Variants in MDC1 observed in about 807,000 individuals in gnomAD.
MDC1 encodes the protein mediator of DNA damage checkpoint protein 1.
In MDC1, 81 loss-of-function variants were observed where a neutral mutation model predicts 142.5. The ratio of observed to expected loss-of-function variants is 0.57; its 90% CI spans 0.47 to 0.68. The LOEUF (loss-of-function observed/expected upper bound fraction) is 0.68. MDC1 is among the 30% of genes least tolerant of loss of function. The pLI, the probability that MDC1 is intolerant of heterozygous loss-of-function variation, is 0.00. For synonymous variants in MDC1, 797 were observed against 968.4 expected (o/e 0.82, Z 3.29); for missense variants, 2,119 against 2,547.9 (o/e 0.83, Z 3.62).
chr6:30,703,031 C>A lies in MDC1; in HGVS notation c.5865+73G>T. On this transcript the variant is annotated intron_variant, in intron 12 of 14. Coordinates refer to ENST00000376406, the MANE Select transcript of MDC1 (RefSeq NM_014641.3). The surrounding 1 kb of genome is among the most constrained non-coding windows in gnomAD (Gnocchi z 4.4). ...GTCTTCCTGTAACGCCTCTTCCCTT[C>A]CACCACTTTCTAGGGCACTATATGA... The A allele has an allele frequency of 6.3e-7, 1 of 1,579,356 alleles. No individual in the cohort carries two copies. Among genetic ancestry groups the A allele is most frequent in the Non-Finnish European group, 8.6e-7 (1 of 1,160,086 alleles).
At position 30,706,014 on chromosome 6, in the gene MDC1, T is replaced by C. The variant is rs767097531; in HGVS notation, c.3169A>G (p.Ser1057Gly). The C allele has an allele frequency of 6.2e-7, 1 of 1,608,714 alleles. No homozygotes were observed. The highest frequency in any genetic ancestry group is 2.2e-5 in the East Asian group (1 of 44,866). Residue 1057 changes from serine (S) to glycine (G), a missense_variant, in exon 10 of 15, where the codon AGC (serine) becomes GGC (glycine). Transcript: ENST00000376406. ...APPQKPLNSQ[S>G]QKHLAPPPLL... ...GGCGGAGGTGCAAGATGTTTCTGGC[T>C]CTGAGAGTTAAGGGGCTTTTGGGGT...
In MDC1 at chr6:30,707,365, T is replaced by C. The variant is rs764234084; in HGVS notation, c.3084+19A>G. ...TAGAGATGACTTGTGGAATAGGAGG[T>C]AGAAAAAGTAGCTCTCACCCTGGAA... On this transcript the variant is annotated intron_variant, in intron 9 of 14. Transcript: ENST00000376406. 2.5e-6 allele frequency: 4 copies of C among 1,611,294 alleles called. No homozygotes were observed. The highest frequency in any genetic ancestry group is 2.5e-6 in the Non-Finnish European group (3 of 1,178,656).
rs1220514760 is a variant in MDC1, at chr6:30,716,771, A to G, written c.-4+474T>C. 1 of 266,006 alleles carries G rather than the reference A, an allele frequency of 3.8e-6. No homozygotes were observed. The highest frequency in any genetic ancestry group is 5.8e-6 in the Non-Finnish European group (1 of 172,402). The allele number at this position is 266,006 out of a possible 1,614,324, so 16.5% of individuals were successfully genotyped here. Reference sequence around the variant, plus strand: ...TATACCTGTTTGAAGTATTTGGTATACATCTGTGAACCAAACATGAAATCG... The same window carrying G: ...TATACCTGTTTGAAGTATTTGGTATGCATCTGTGAACCAAACATGAAATCG... On this transcript the variant is annotated intron_variant, in intron 1 of 14. Coordinates refer to ENST00000376406, the MANE Select transcript of MDC1 (RefSeq NM_014641.3). The surrounding 1 kb of genome is among the most constrained non-coding windows in gnomAD (Gnocchi z 4.4).
Position 30,700,579 on chromosome 6 carries a change from T to C in MDC1, c.6156A>G (p.Pro2052=), listed in dbSNP as rs751363469. ...CPQDFPHCSI[P]LRVGLPLLSP... ...AGAGGAGGGGCAGCCCAACCCGTAG[T>C]GGAATGGAGCAATGAGGGAAGTCCT... Residue 2052 remains proline, a synonymous_variant, in exon 15 of 15, where the codon CCA becomes CCG. Transcript: ENST00000376406. 9.9e-6 allele frequency: 16 copies of C among 1,612,668 alleles called. No homozygotes were observed. The highest frequency in any genetic ancestry group is 1.3e-5 in the Non-Finnish European group (15 of 1,179,972).
In MDC1 at chr6:30,704,879, C is replaced by A; in HGVS notation, c.4304G>T (p.Gly1435Val). 2 of 1,602,848 alleles carry A rather than the reference C, an allele frequency of 1.2e-6. No homozygotes were observed. The highest frequency in any genetic ancestry group is 1.1e-5 in the South Asian group (1 of 89,656). Reference sequence around the variant, plus strand: ...CTTCACAGAGGACCTATTTGTCCTGCCCCTGGTGGCCTGAGATGTGGGCTC... The same window carrying A: ...CTTCACAGAGGACCTATTTGTCCTGACCCTGGTGGCCTGAGATGTGGGCTC... ...TPEPTSQATRGRTNRSSVKTP... is the reference protein window; with the variant it reads ...TPEPTSQATRVRTNRSSVKTP... Residue 1435 changes from glycine to valine, a missense_variant, in exon 10 of 15, where the codon GGC (glycine) becomes GTC (valine). By Grantham distance (109) the Gly-to-Val change is moderately radical. Transcript: ENST00000376406.
At position 30,707,452 on chromosome 6, in the gene MDC1, G is replaced by A. The variant is rs1291094175; in HGVS notation, c.3016C>T (p.Leu1006Phe). 2.5e-6 allele frequency: 4 copies of A among 1,613,114 alleles called. No individual in the cohort carries two copies. The highest frequency in any genetic ancestry group is 1.7e-6 in the Non-Finnish European group (2 of 1,180,038). ...GCAGGTGGCATCTTGCAATTCAGGA[G>A]GCCTAGACAGAAAGTAAACACAAAG... ...PVSPRRHQKG[L>F]LNCKMPPAEK... Residue 1006 changes from leucine (L) to phenylalanine (F), a missense_variant and splice_region_variant, in exon 9 of 15, where the codon CTC (leucine) becomes TTC (phenylalanine). Leu to Phe is a conservative substitution (Grantham distance 22). Coordinates refer to ENST00000376406, the MANE Select transcript of MDC1 (RefSeq NM_014641.3).
Position 30,712,682 on chromosome 6 carries a change from T to C in MDC1, c.1260A>G (p.Lys420=). ...TGTTCCATATAGCAGGCTGGCTCTC[T>C]TTCAGATGTGCCAAAGTCAGCGCTG... ...VSAALTLAHL[K]ESQPAIWNRD... Residue 420 remains lysine (K), a synonymous_variant, in exon 5 of 15, where the codon AAA becomes AAG. Coordinates refer to ENST00000376406, the MANE Select transcript of MDC1 (RefSeq NM_014641.3). The surrounding 1 kb of genome is among the most constrained non-coding windows in gnomAD (Gnocchi z 4.7). The C allele has an allele frequency of 6.2e-7, 1 of 1,613,044 alleles. No homozygotes were observed. Among genetic ancestry groups the C allele is most frequent in the Non-Finnish European group, 8.5e-7 (1 of 1,180,012 alleles).
Position 30,716,138 on chromosome 6 carries a change from C to G in MDC1, c.-3-960G>C, listed in dbSNP as rs1490328813. On this transcript the variant is annotated intron_variant, in intron 1 of 14. Coordinates refer to ENST00000376406, the MANE Select transcript of MDC1 (RefSeq NM_014641.3). The surrounding 1 kb of genome is among the most constrained non-coding windows in gnomAD (Gnocchi z 4.4). ...TTCTTGTCTTCCCACATCTTCATGC[C>G]TTAGCCCAATTCCTTGGCTTTTTCC... Among the ~76,000 whole-genome samples the G allele has an allele frequency of 6.6e-6, 1 of 152,200 alleles. No homozygotes were observed. Among genetic ancestry groups the G allele is most frequent in the Non-Finnish European group, 1.5e-5 (1 of 68,028 alleles).
At position 30,704,176 on chromosome 6, in the gene MDC1, G is replaced by A. The variant is rs749466432; in HGVS notation, c.5007C>T (p.Ser1669=). The A allele has an allele frequency of 8.3e-5, 134 of 1,612,590 alleles. No homozygotes were observed. The highest frequency in any genetic ancestry group is 1.0e-4 in the Admixed American group (6 of 59,882). ...CCTGAGCTATGGCCTCAGGGGTGACGGACTGGTCTGTGGGGGTAAAAGGCT... is the reference window on the plus strand; with the variant it reads ...CCTGAGCTATGGCCTCAGGGGTGACAGACTGGTCTGTGGGGGTAAAAGGCT... The part of the protein sequence containing the change: ...DLEPFTPTDQ[S]VTPEAIAQGG... The change falls in exon 10 of 15, where the codon TCC becomes TCT. Residue 1669 remains serine, a synonymous_variant. Coordinates refer to ENST00000376406, the MANE Select transcript of MDC1 (RefSeq NM_014641.3).
chr6:30,702,585 T>G lies in MDC1; in HGVS notation c.6070A>C (p.Thr2024Pro). 1 of 1,608,646 alleles carries G rather than the reference T, an allele frequency of 6.2e-7. No homozygotes were observed. The highest frequency in any genetic ancestry group is 8.5e-7 in the Non-Finnish European group (1 of 1,177,922). Residue 2024 changes from threonine to proline, a missense_variant, in exon 14 of 15, where the codon ACA becomes CCA. Transcript: ENST00000376406. Reference protein sequence around the residue: ...MGEIISCCGGTYLPSMPRSYK... With the variant: ...MGEIISCCGGPYLPSMPRSYK... Reference sequence around the variant, plus strand: ...GACCGAGGCATGCTGGGTAGGTATGTGCCTCCACAGCAGCTAATAATCTCT... The same window carrying G: ...GACCGAGGCATGCTGGGTAGGTATGGGCCTCCACAGCAGCTAATAATCTCT...
Position 30,702,890 on chromosome 6 carries a change from G to A in MDC1, c.5866-13C>T. ...CAGCCTTGCGGGACTAAGGACGGCAGCAGTCAGCATCAAAGCTCAGCCCAG... is the reference window on the plus strand; with the variant it reads ...CAGCCTTGCGGGACTAAGGACGGCAACAGTCAGCATCAAAGCTCAGCCCAG... On this transcript the variant is annotated splice_polypyrimidine_tract_variant and intron_variant, in intron 12 of 14. Coordinates refer to ENST00000376406, the MANE Select transcript of MDC1 (RefSeq NM_014641.3). 1 of 1,612,874 alleles carries A rather than the reference G, an allele frequency of 6.2e-7. No homozygotes were observed. The highest frequency in any genetic ancestry group is 8.5e-7 in the Non-Finnish European group (1 of 1,180,034).
rs768546071 is a variant in MDC1 at position 30,703,293 on chromosome 6, AAG to A, written c.5683-9_5683-8del. Reference sequence around the variant, plus strand: ...CCACTCCTGTGAAGAGCACCTGTGGAAGGGTTGACCTGAGGTGGTTACGGCAA... The same window carrying A: ...CCACTCCTGTGAAGAGCACCTGTGGAGGTTGACCTGAGGTGGTTACGGCAA... On this transcript the variant is annotated splice_polypyrimidine_tract_variant and splice_region_variant and intron_variant, in intron 11 of 14. Transcript: ENST00000376406. The surrounding 1 kb of genome is among the most constrained non-coding windows in gnomAD (Gnocchi z 4.4). 3 of 1,610,468 alleles carry A rather than the reference AAG, an allele frequency of 1.9e-6. No individual in the cohort carries two copies. The East Asian group carries it at 6.7e-5, about 36-fold the overall frequency.
In MDC1 at chr6:30,703,802, G is replaced by C; in HGVS notation, c.5381C>G (p.Ala1794Gly). 2 of 1,601,110 alleles carry C rather than the reference G, an allele frequency of 1.2e-6. No homozygotes were observed. Among genetic ancestry groups the C allele is most frequent in the Non-Finnish European group, 1.7e-6 (2 of 1,173,768 alleles). ...CTCCGGGGTGAACCTAGATCTACCT[G>C]CTGGTTCCACCTTTTGGATCTGGGA... The part of the protein sequence containing the change: ...HASQIQKVEP[A>G]GRSRFTPELQ... Residue 1794 changes from alanine to glycine, a missense_variant, in exon 10 of 15, where the codon GCA becomes GGA. Transcript: ENST00000376406. The surrounding 1 kb of genome is among the most constrained non-coding windows in gnomAD (Gnocchi z 4.4).
chr6:30,704,554 T>C lies in MDC1; in HGVS notation c.4629A>G (p.Thr1543=), dbSNP rs375339540. 5.6e-6 allele frequency: 9 copies of C among 1,607,884 alleles called. No individual in the cohort carries two copies. Among genetic ancestry groups the C allele is most frequent in the Non-Finnish European group, 6.8e-6 (8 of 1,176,998 alleles). ...TGGGCTCAGGGGTGACAGGTTGGTC[T>C]GTGGAGGTGGAAGGCTGGAGCTCAG... ...AAPELQPSTS[T]DQPVTPEPTS... Residue 1543 remains threonine, a synonymous_variant, in exon 10 of 15, where the codon ACA becomes ACG. Coordinates refer to ENST00000376406, the MANE Select transcript of MDC1 (RefSeq NM_014641.3).
Position 30,705,411 on chromosome 6 carries a change from G to T in MDC1, c.3772C>A (p.Gln1258Lys). The change falls in exon 10 of 15, where the codon CAG (glutamine) becomes AAG (lysine). Residue 1258 changes from glutamine (Q) to lysine (K), a missense_variant. Physicochemically the swap from Gln to Lys is moderately conservative, Grantham distance 53. Coordinates refer to ENST00000376406, the MANE Select transcript of MDC1 (RefSeq NM_014641.3). Reference sequence around the variant, plus strand: ...TATGTGGGCTCAGAAGTGACAGGCTGGTCTGTGGAGGTGGAAGGCTGGAGC... The same window carrying T: ...TATGTGGGCTCAGAAGTGACAGGCTTGTCTGTGGAGGTGGAAGGCTGGAGC... ...PELQPSTSTD[Q>K]PVTSEPTYQA... 7 of 1,605,610 alleles carry T rather than the reference G, an allele frequency of 4.4e-6. No homozygotes were observed. The highest frequency in any genetic ancestry group is 3.4e-5 in the Admixed American group (2 of 58,764).
At position 30,716,302 on chromosome 6, in the gene MDC1, C is replaced by A. The variant is rs1376845111; in HGVS notation, c.-4+943G>T. Among the ~76,000 whole-genome samples the A allele has an allele frequency of 2.0e-5, 3 of 151,908 alleles. No individual in the cohort carries two copies. The highest frequency in any genetic ancestry group is 2.9e-5 in the Non-Finnish European group (2 of 67,998). On this transcript the variant is annotated intron_variant, in intron 1 of 14. Coordinates refer to ENST00000376406, the MANE Select transcript of MDC1 (RefSeq NM_014641.3). This position sits in a 1 kb window ranked among gnomAD's most constrained non-coding sequence, Gnocchi z 4.4. Reference sequence around the variant, plus strand: ...GCAGTGGTGCTATCTTGGCTCACTGCAACCTCTGCCTCCAGGCTTCAAGCG... The same window carrying A: ...GCAGTGGTGCTATCTTGGCTCACTGAAACCTCTGCCTCCAGGCTTCAAGCG...
In MDC1 at chr6:30,713,947, C is replaced by G; in HGVS notation, c.373G>C (p.Asp125His). 6.2e-7 allele frequency: 1 copy of G among 1,613,150 alleles called. No individual in the cohort carries two copies. The highest frequency in any genetic ancestry group is 8.5e-7 in the Non-Finnish European group (1 of 1,180,030). ...LRDQELILFA[D>H]LLCQYHRLDV... is the part of the protein sequence containing the mutation. ...AGGCGATGGTACTGGCAGAGCAAGT[C>G]AGCAAAGAGAATCAATTCCTGGTCC... The change falls in exon 3 of 15, where the codon GAC (aspartate) becomes CAC (histidine). Residue 125 changes from aspartate (D) to histidine (H), a missense_variant. Asp to His is a moderately conservative substitution (Grantham distance 81). Coordinates refer to ENST00000376406, the MANE Select transcript of MDC1 (RefSeq NM_014641.3). The surrounding 1 kb of genome is among the most constrained non-coding windows in gnomAD (Gnocchi z 4.9).
At position 30,714,953 on chromosome 6, in the gene MDC1, A is replaced by G. The variant is rs574192148; in HGVS notation, c.136+87T>C. The G allele has an allele frequency of 2.9e-4, 427 of 1,489,660 alleles. 1 individual carries two copies. Among genetic ancestry groups the G allele is most frequent in the South Asian group, 2.2e-3 (186 of 83,042 alleles). The allele number at this position is 1,489,660 out of a possible 1,614,324, so 92.3% of individuals were successfully genotyped here. On this transcript the variant is annotated intron_variant, in intron 2 of 14. Coordinates refer to ENST00000376406, the MANE Select transcript of MDC1 (RefSeq NM_014641.3). ...AAAAAAATTCACATCTCATTGAAAC[A>G]TACATAAGCTTCTTGCAACCCTCCA...
chr6:30,701,724 G>A (rs1161179781), intron 14 of MDC1, among the ~76,000 whole-genome samples: 1 of 152,146 alleles, frequency 6.6e-6, no homozygotes, highest in Non-Finnish European at 1.5e-5. Context: ...GACAATGGGA[G>A]AAATTTTATT....
Sources: allele counts gnomAD v4.1 joint callset (sites outside exome capture counted in the v4.1 genomes callset), GRCh38; gene constraint gnomAD v4.1.1; non-coding constraint Gnocchi (gnomAD v3.1); transcripts MANE v1.5; gene names NCBI Gene and HGNC (gene_info 2026-07-23, HGNC 2026-07-21).